The following AK3 variants were observed in gnomAD, a reference collection of about 807,000 sequenced individuals.
AK3 encodes adenylate kinase 3.
Under a neutral mutation model 23.7 loss-of-function variants are expected in AK3, and 27 were observed. The ratio of observed to expected loss-of-function variants is 1.14; its 90% CI spans 0.84 to 1.57. The LOEUF is 1.57. Among genes scored for constraint, AK3 ranks in the 40% most tolerant of loss-of-function variants. AK3 has a pLI of 0.00. For synonymous variants in AK3, 159 were observed against 116.0 expected (o/e 1.37, Z -2.38); for missense variants, 406 against 285.6 (o/e 1.42, Z -3.04).
At chr9:4,735,485 T>A (rs1206841315) in intron 1 of AK3, among the ~76,000 whole-genome samples, 1 of 126,760 alleles carries the variant, frequency 7.9e-6, no homozygotes, top group African/African-American at 2.8e-5. Context: ...TATATTTTTT[T>A]TTTTTTTTTG....
chr9:4,731,353 A>G lies in AK3; in HGVS notation c.152-8728T>C, dbSNP rs553354930. Among the ~76,000 whole-genome samples, 42 of 152,214 alleles carry G rather than the reference A, an allele frequency of 2.8e-4. No homozygotes were observed. The South Asian group carries it at 8.7e-3, about 32-fold the overall frequency. On this transcript the variant is annotated intron_variant, in intron 1 of 4. Coordinates refer to ENST00000381809, the MANE Select transcript of AK3 (RefSeq NM_016282.4). ...TCTCATCATTTAGCTCCCACTTATAAGTGAGAACATGAGGTATTTGGTTTT... is the reference window on the plus strand; with the variant it reads ...TCTCATCATTTAGCTCCCACTTATAGGTGAGAACATGAGGTATTTGGTTTT...
At chr9:4,740,692 C>A (rs1446319972) in intron 1 of AK3, among the ~76,000 whole-genome samples, 1 of 152,150 alleles carries the variant, frequency 6.6e-6, no homozygotes, top group East Asian at 1.9e-4. Flanking sequence ...CATCTCTGAA[C>A]TTCGAGCTCG....
At chr9:4,716,935 A>G (rs571767148) in intron 4 of AK3, among the ~76,000 whole-genome samples, 2 of 152,188 alleles carry the variant, frequency 1.3e-5, no homozygotes, top group African/African-American at 4.8e-5. Flanking sequence ...TGTCTCTAAA[A>G]TAAATAAATA....
chr9:4,729,762 GGCTGCT>G (rs1842111439), intron 1 of AK3, among the ~76,000 whole-genome samples: 1 of 151,412 alleles, frequency 6.6e-6, no homozygotes. Flanking sequence ...AGGAGTTCAA[GGCTGCT>G]GCTGTTGAGT....
chr9:4,736,364 G>C (rs1394451056), intron 1 of AK3, among the ~76,000 whole-genome samples: 1 of 151,634 alleles, frequency 6.6e-6, no homozygotes, highest in Non-Finnish European at 1.5e-5. Flanking sequence ...GAGAAGCATA[G>C]GTAAACATTT....
chr9:4,719,262 T>C lies in AK3; in HGVS notation c.317A>G (p.Tyr106Cys), dbSNP rs769180083. 1.9e-6 allele frequency: 3 copies of C among 1,609,776 alleles called. No homozygotes were observed. The highest frequency in any genetic ancestry group is 2.5e-6 in the Non-Finnish European group (3 of 1,179,604). Residue 106 changes from tyrosine (Y) to cysteine (C), a missense_variant, in exon 3 of 5, where the codon TAT becomes TGT. Tyr to Cys is a radical substitution (Grantham distance 194). Transcript: ENST00000381809. ...CAGGTTAATCACTGTGTCGATCTGA[T>C]AAGCTCTATCTAGGGCTTCTGCCTG... Reference protein sequence around the residue: ...LPQAEALDRAYQIDTVINLNV... With the variant: ...LPQAEALDRACQIDTVINLNV...
In AK3 at chr9:4,722,527, G is replaced by C. The variant is rs747550190; in HGVS notation, c.250C>G (p.Gln84Glu). 1.9e-6 allele frequency: 3 copies of C among 1,614,070 alleles called. No individual in the cohort carries two copies. The highest frequency in any genetic ancestry group is 2.5e-6 in the Non-Finnish European group (3 of 1,180,038). Residue 84 changes from glutamine (Q) to glutamate (E), a missense_variant, in exon 2 of 5, where the codon CAG becomes GAG. Gln to Glu is a conservative substitution (Grantham distance 29, BLOSUM62 2). Coordinates refer to ENST00000381809, the MANE Select transcript of AK3 (RefSeq NM_016282.4). ...TTACCATCCAACAGCCAGCTATACT[G>C]GGTGAGATTTTTCAGCTCATGAAGG... ...LALHELKNLT[Q>E]YSWLLDGFPR...
At chr9:4,736,248 G>C (rs972913787) in intron 1 of AK3, among the ~76,000 whole-genome samples, 2 of 151,440 alleles carry the variant, frequency 1.3e-5, no homozygotes, top group Admixed American at 1.3e-4. Flanking sequence ...AAAGCTATTA[G>C]AAAAAAATGA....
intron 4 of AK3, among the ~76,000 whole-genome samples, chr9:4,717,251 G>C (rs940242721): frequency 1.3e-5 from 2 of 152,134 alleles, no homozygotes; most frequent in African/African-American, 4.8e-5. Flanking sequence ...TATTCAATAA[G>C]TACATAAATG....
chr9:4,739,803 CGCCT>C (rs1842382190), intron 1 of AK3, among the ~76,000 whole-genome samples: 1 of 151,820 alleles, frequency 6.6e-6, no homozygotes, highest in South Asian at 2.1e-4. Context: ...TGGTGGCATG[CGCCT>C]GTAGTCCCAG....
In AK3 at chr9:4,714,018, A is replaced by ATACACGCCTACACGTATACGCCTACACG. The variant is rs1563781011; in HGVS notation, c.564-923_564-922insCGTGTAGGCGTATACGTGTAGGCGTGTA. ...TACGCCTACACATATACACCTACAC[A>ATACACGCCTACACGTATACGCCTACACG]TATACAGCTACACATATACATCTAC... On this transcript the variant is annotated intron_variant, in intron 4 of 4. Coordinates refer to ENST00000381809, the MANE Select transcript of AK3 (RefSeq NM_016282.4). Among the ~76,000 whole-genome samples, 7 of 138,014 alleles carry ATACACGCCTACACGTATACGCCTACACG rather than the reference A, an allele frequency of 5.1e-5. No homozygotes were observed. The East Asian group carries it at 1.3e-3, about 26-fold the overall frequency. The allele number at this position is 138,014 out of a possible 152,430, so 90.5% of individuals were successfully genotyped here. A position where few individuals can be genotyped will look rare whatever the true frequency, so the allele number is the denominator to read the frequency against.
rs78010092 is a variant in AK3 at position 4,736,668 on chromosome 9, T to C, written c.151+4269A>G. 5.7e-3 allele frequency among the ~76,000 whole-genome samples: 874 copies of C among 152,028 alleles called. 23 individuals carry two copies. The East Asian group carries it at 0.06, about 10-fold the overall frequency. ...AAATGAGATTCATAAGGGTTGGCCGTCTAGTCTAGGGTTATGTCTCCTTTT... is the reference window on the plus strand; with the variant it reads ...AAATGAGATTCATAAGGGTTGGCCGCCTAGTCTAGGGTTATGTCTCCTTTT... On this transcript the variant is annotated intron_variant, in intron 1 of 4. Coordinates refer to ENST00000381809, the MANE Select transcript of AK3 (RefSeq NM_016282.4).
chr9:4,726,450 T>C (rs917175831), intron 1 of AK3, among the ~76,000 whole-genome samples: 2 of 152,214 alleles, frequency 1.3e-5, no homozygotes, highest in African/African-American at 4.8e-5. Context: ...TGAATAATGC[T>C]CACAGCATCT....
intron 1 of AK3, among the ~76,000 whole-genome samples, chr9:4,723,344 A>C (rs1184603181): frequency 6.6e-6 from 1 of 152,216 alleles, no homozygotes; most frequent in African/African-American, 2.4e-5. Flanking sequence ...GAAATGATTC[A>C]GTTTAAATGC....
rs147962892 is a variant in AK3, at chr9:4,718,529, A to G, written c.453T>C (p.Asp151=). 2.2e-5 allele frequency: 35 copies of G among 1,611,052 alleles called. No homozygotes were observed. In the African/African-American group the frequency reaches 4.0e-4, roughly 18 times the overall value. Residue 151 remains aspartate (D), a synonymous_variant, in exon 4 of 5, where the codon GAT becomes GAC. Coordinates refer to ENST00000381809, the MANE Select transcript of AK3 (RefSeq NM_016282.4). ...EFNPPKTVGI[D]DLTGEPLIQR... is the part of the protein sequence containing the mutation. Reference sequence around the variant, plus strand: ...GAATGAGAGGCTCCCCAGTCAGGTCATCAATGCCCTAAACAGGATTAGAAG... The same window carrying G: ...GAATGAGAGGCTCCCCAGTCAGGTCGTCAATGCCCTAAACAGGATTAGAAG...
At chr9:4,713,790 G>C (rs978091815) in intron 4 of AK3, among the ~76,000 whole-genome samples, 2 of 151,930 alleles carry the variant, frequency 1.3e-5, no homozygotes, top group Non-Finnish European at 2.9e-5. Flanking sequence ...TGGATAACAT[G>C]GTGAAGAGTG....
Position 4,719,174 on chromosome 9 carries a change from G to A in AK3, c.405C>T (p.Gly135=). Residue 135 remains glycine (G), a synonymous_variant, in exon 3 of 5, where the codon GGC becomes GGT. Coordinates refer to ENST00000381809, the MANE Select transcript of AK3 (RefSeq NM_016282.4). ...GGTTGAATTCAATGTTATAGACTCGGCCACTGGCGGGATGAATCCAGCGAG... is the reference window on the plus strand; with the variant it reads ...GGTTGAATTCAATGTTATAGACTCGACCACTGGCGGGATGAATCCAGCGAG... ...LTARWIHPAS[G]RVYNIEFNPP... 6.2e-7 allele frequency: 1 copy of A among 1,611,852 alleles called. No homozygotes were observed. Among genetic ancestry groups the A allele is most frequent in the Non-Finnish European group, 8.5e-7 (1 of 1,179,810 alleles).
chr9:4,737,235 GT>G (rs545098238), intron 1 of AK3, among the ~76,000 whole-genome samples: 141 of 144,492 alleles, frequency 9.8e-4, no homozygotes, highest in Admixed American at 4.0e-3. Context: ...ATTTATGTCT[GT>G]TTCAATTCTG....
intron 1 of AK3, among the ~76,000 whole-genome samples, chr9:4,726,615 G>A (rs1364557769): frequency 6.6e-6 from 1 of 152,010 alleles, no homozygotes; most frequent in East Asian, 1.9e-4. Flanking sequence ...TCCACCATAT[G>A]TGTAGTTACT....
Sources: allele counts gnomAD v4.1 joint callset (sites outside exome capture counted in the v4.1 genomes callset), GRCh38; gene constraint gnomAD v4.1.1; transcripts MANE v1.5; gene names NCBI Gene and HGNC (gene_info 2026-07-23, HGNC 2026-07-21).